Variants in SORCS2 observed in about 807,000 individuals in gnomAD.
The protein encoded by SORCS2 is VPS10 domain-containing receptor SorCS2.
A neutral mutation model predicts 141.6 loss-of-function variants in SORCS2; 100 were observed. The observed-to-expected ratio is 0.71, with a 90% CI of 0.60 to 0.83. The LOEUF (loss-of-function observed/expected upper bound fraction) is 0.83, where lower values mean the gene tolerates loss of function less well. Among genes scored for constraint, SORCS2 ranks in the 40% least tolerant of loss-of-function variants. The pLI is 0.00. For missense variants in SORCS2, 1,646 were observed against 1,560.2 expected (o/e 1.05, Z -0.93); for synonymous variants, 789 against 676.9 (o/e 1.17, Z -2.57).
intron 2 of SORCS2, among the ~76,000 whole-genome samples, chr4:7,466,040 C>T (rs1013593207): frequency 2.0e-5 from 3 of 152,154 alleles, no homozygotes; most frequent in Non-Finnish European, 2.9e-5. Flanking sequence ...TCTCACAGCT[C>T]GAAGACTATT....
intron 18 of SORCS2, among the ~76,000 whole-genome samples, chr4:7,719,536 GCCGTT>G (rs1489784919): frequency 1.8e-4 from 28 of 152,304 alleles, no homozygotes; most frequent in African/African-American, 6.3e-4. Flanking sequence ...CTAGACCTGA[GCCGTT>G]CCCTGGTGCA....
chr4:7,676,824 T>TCTCTCTCTCTCTCC lies in SORCS2; in HGVS notation c.1341+600_1341+601insTCTCTCTCCCTCTC, dbSNP rs765132758. ...TTCTGTCTCTCTCTCTCTCTCTCTC[T>TCTCTCTCTCTCTCC]CTCTCCCTCTCTCCACCCCAGCCCT... On this transcript the variant is annotated intron_variant, in intron 9 of 26. Coordinates refer to ENST00000507866, the MANE Select transcript of SORCS2 (RefSeq NM_020777.3). 4.1e-3 allele frequency among the ~76,000 whole-genome samples: 199 copies of TCTCTCTCTCTCTCC among 49,084 alleles called. 12 individuals are homozygous for TCTCTCTCTCTCTCC. The highest frequency in any genetic ancestry group is 4.8e-3 in the Non-Finnish European group (122 of 25,624). The allele number at this position is 49,084 out of a possible 152,430, so 32.2% of individuals were successfully genotyped here.
intron 2 of SORCS2, among the ~76,000 whole-genome samples, chr4:7,519,195 C>A (rs1005451137): frequency 6.6e-6 from 1 of 152,132 alleles, no homozygotes; most frequent in Admixed American, 6.5e-5. Flanking sequence ...GTGCCGGGAG[C>A]ATGACCAGGG....
chr4:7,373,209 G>T (rs1722372470), intron 1 of SORCS2, among the ~76,000 whole-genome samples: 1 of 151,562 alleles, frequency 6.6e-6, no homozygotes, highest in Non-Finnish European at 1.5e-5. Flanking sequence ...ACCAAGGTAT[G>T]AGAGTTCTGG....
chr4:7,276,005 C>G (rs116095519), intron 1 of SORCS2, among the ~76,000 whole-genome samples: 44 of 152,270 alleles, frequency 2.9e-4, no homozygotes, highest in African/African-American at 1.1e-3. Context: ...GTGAAAACTT[C>G]GGGCTCAGTG....
intron 1 of SORCS2, among the ~76,000 whole-genome samples, chr4:7,195,611 GCTAA>G (rs1727126294): frequency 6.6e-6 from 1 of 152,196 alleles, no homozygotes; most frequent in Non-Finnish European, 1.5e-5. Flanking sequence ...GTTATCTTGA[GCTAA>G]CTAAGTAAAA....
intron 3 of SORCS2, among the ~76,000 whole-genome samples, chr4:7,621,006 G>C (rs1390227797): frequency 2.0e-5 from 3 of 152,030 alleles, no homozygotes; most frequent in African/African-American, 7.3e-5. Context: ...GGCAGTGGCT[G>C]GCAGGCACGG....
chr4:7,292,473 CAGTT>C (rs1022682195), intron 1 of SORCS2, among the ~76,000 whole-genome samples: 3 of 138,298 alleles, frequency 2.2e-5, no homozygotes, highest in African/African-American at 8.1e-5. Context: ...GTTGTGTTCA[CAGTT>C]AGTGTGCTCT....
chr4:7,377,095 C>T (rs1246942861), intron 1 of SORCS2, among the ~76,000 whole-genome samples: 1 of 152,130 alleles, frequency 6.6e-6, no homozygotes. Flanking sequence ...ATAGGGAGGA[C>T]ATGTTGTGTC....
At chr4:7,597,962 CTTTTTTTTT>C (rs902858065) in intron 3 of SORCS2, among the ~76,000 whole-genome samples, 1 of 91,542 alleles carries the variant, frequency 1.1e-5, no homozygotes, top group Non-Finnish European at 2.2e-5. Context: ...TTCAGCTAAT[CTTTTTTTTT>C]TTTTTTTTTT....
chr4:7,619,920 A>AGCCCCT (rs953505429), intron 3 of SORCS2, among the ~76,000 whole-genome samples: 16 of 152,260 alleles, frequency 1.1e-4, no homozygotes, highest in South Asian at 4.1e-4. Context: ...CAGATTCGTC[A>AGCCCCT]GCCCCTGCCC....
At chr4:7,352,693 A>G (rs1354561074) in intron 1 of SORCS2, among the ~76,000 whole-genome samples, 1 of 152,146 alleles carries the variant, frequency 6.6e-6, no homozygotes, top group Admixed American at 6.5e-5. Flanking sequence ...TCCTCAGAGG[A>G]CACCTCACAG....
chr4:7,581,434 A>G (rs1322552478), intron 3 of SORCS2, among the ~76,000 whole-genome samples: 2 of 152,204 alleles, frequency 1.3e-5, no homozygotes, highest in Non-Finnish European at 2.9e-5. Context: ...TTTTAAAATA[A>G]AAAGTCCATG....
intron 1 of SORCS2, among the ~76,000 whole-genome samples, chr4:7,395,641 T>G (rs1560249594): frequency 1.0e-5 from 1 of 97,810 alleles, no homozygotes; most frequent in Non-Finnish European, 2.1e-5. Flanking sequence ...AGGCCTGAAA[T>G]GCAAACAGCG....
chr4:7,257,810 A>ACCTGGCCTCCCTGGC (rs1306676295), intron 1 of SORCS2, among the ~76,000 whole-genome samples: 1 of 152,082 alleles, frequency 6.6e-6, no homozygotes, highest in Non-Finnish European at 1.5e-5. Flanking sequence ...CAGCTTGCTT[A>ACCTGGCCTCCCTGGC]CCTGGCCTCC....
At chr4:7,657,573 CTGACTGAA>C (rs1721859455) in intron 5 of SORCS2, among the ~76,000 whole-genome samples, 1 of 150,880 alleles carries the variant, frequency 6.6e-6, no homozygotes, top group Admixed American at 6.6e-5. Context: ...GAGCAAGTAA[CTGACTGAA>C]TGAATGAATG....
intron 17 of SORCS2, among the ~76,000 whole-genome samples, chr4:7,716,281 G>T (rs1202348846): frequency 1.3e-5 from 2 of 152,162 alleles, no homozygotes; most frequent in Non-Finnish European, 2.9e-5. Flanking sequence ...ACCAGAAATT[G>T]CAGGCTTTGG....
intron 9 of SORCS2, among the ~76,000 whole-genome samples, chr4:7,679,754 T>TA (rs1229175476): frequency 3.2e-5 from 2 of 62,806 alleles, no homozygotes; most frequent in Non-Finnish European, 7.3e-5. Flanking sequence ...TGGGACTTTT[T>TA]TTTTTTTTTT....
rs192049144 is a variant in SORCS2 at position 7,542,316 on chromosome 4, A to G, written c.648+10687A>G. ...CGTGTCATAACTCCTCATCCCTGCCAATGTGTCCTTCTTTGGGAATAGGGT... is the reference window on the plus strand; with the variant it reads ...CGTGTCATAACTCCTCATCCCTGCCGATGTGTCCTTCTTTGGGAATAGGGT... On this transcript the variant is annotated intron_variant, in intron 3 of 26. Coordinates refer to ENST00000507866, the MANE Select transcript of SORCS2 (RefSeq NM_020777.3). Among the ~76,000 whole-genome samples the G allele has an allele frequency of 2.6e-3, 399 of 152,328 alleles. 7 individuals carry two copies. The highest frequency in any genetic ancestry group is 0.025 in the Admixed American group (382 of 15,292).
Sources: allele counts gnomAD v4.1 joint callset (sites outside exome capture counted in the v4.1 genomes callset), GRCh38; gene constraint gnomAD v4.1.1; transcripts MANE v1.5; gene names NCBI Gene and HGNC (gene_info 2026-07-23, HGNC 2026-07-21).